Variants in GGNBP2 observed in about 807,000 individuals in gnomAD.
The protein encoded by GGNBP2 is gametogenetin binding protein 2, also known as gametogenetin-binding protein 2.
Under a neutral mutation model 85.9 loss-of-function variants are expected in GGNBP2, and 10 were observed. The ratio of observed to expected loss-of-function variants is 0.12; its 90% confidence interval spans 0.07 to 0.20. The LOEUF (loss-of-function observed/expected upper bound fraction) is 0.20, where lower values mean the gene tolerates loss of function less well. Among genes scored for constraint, GGNBP2 ranks in the 10% least tolerant of loss-of-function variants. The probability of loss-of-function intolerance (pLI) is 1.00; values close to 1 mark genes in which losing one functional copy is unlikely to be tolerated. For synonymous variants in GGNBP2, 287 were observed against 285.7 expected (o/e 1.00, Z -0.05); for missense variants, 595 against 857.8 (o/e 0.69, Z 3.83).
At chr17:36,577,697 A>G in intron 6 of GGNBP2, 1 of 437,746 alleles carries the variant, frequency 2.3e-6, no homozygotes, top group Non-Finnish European at 4.2e-6. Flanking sequence ...GGCAACTAAT[A>G]CTTTTCTGGG....
chr17:36,556,483 A>G (rs943372131), intron 3 of GGNBP2, among the ~76,000 whole-genome samples: 2 of 152,190 alleles, frequency 1.3e-5, no homozygotes, highest in African/African-American at 4.8e-5. Context: ...AGGCGGGTGG[A>G]TCACAAGGTC....
At chr17:36,578,956 G>A (rs760746668) in intron 7 of GGNBP2, 56 of 293,912 alleles carry the variant, frequency 1.9e-4, no homozygotes, top group Middle Eastern at 1.1e-3. Flanking sequence ...TCTACTATGA[G>A]CTGGACACTT....
intron 6 of GGNBP2, chr17:36,577,501 A>C (rs1479859110): frequency 6.3e-6 from 1 of 158,500 alleles, no homozygotes; most frequent in Non-Finnish European, 1.4e-5. Flanking sequence ...TCAAATGCTT[A>C]GCTAGTGAAA....
intron 6 of GGNBP2, among the ~76,000 whole-genome samples, chr17:36,573,650 G>T (rs141223753): frequency 5.9e-5 from 9 of 152,164 alleles, no homozygotes; most frequent in African/African-American, 1.9e-4. Flanking sequence ...AGTGCATAAG[G>T]GTTCCAATTT....
At chr17:36,577,003 A>G (rs912862172) in intron 6 of GGNBP2, 2 of 152,210 alleles carry the variant, frequency 1.3e-5, no homozygotes, top group African/African-American at 4.8e-5. Context: ...AGAGATTTGA[A>G]TGGAGCTGTA....
At position 36,567,702 on chromosome 17, in the gene GGNBP2, A is replaced by G; in HGVS notation, c.567A>G (p.Glu189=). The change falls in exon 6 of 14, where the codon GAA becomes GAG. Residue 189 remains glutamate, a synonymous_variant. Transcript: ENST00000613102. ...ATGTATGGGAACTAATGTCGCAGGA[A>G]TGCAGGGATGAAGTAGTTTTAATTG... ...WMDVWELMSQ[E]CRDEVVLIDS... The G allele has an allele frequency of 6.2e-7, 1 of 1,609,026 alleles. No individual in the cohort carries two copies. Among genetic ancestry groups the G allele is most frequent in the Non-Finnish European group, 8.5e-7 (1 of 1,175,768 alleles).
chr17:36,589,612 C>A lies in GGNBP2; in HGVS notation c.*201C>A. Reference sequence around the variant, plus strand: ...GTCTTTAGTTGCGTGGCTGCGCAGGCCTGCCATATGATTTAAGCCATCTCT... The same window carrying A: ...GTCTTTAGTTGCGTGGCTGCGCAGGACTGCCATATGATTTAAGCCATCTCT... On this transcript the variant is annotated 3_prime_UTR_variant, in exon 14 of 14. Transcript: ENST00000613102. The A allele has an allele frequency of 1.7e-6, 1 of 582,268 alleles. No homozygotes were observed. Among genetic ancestry groups the A allele is most frequent in the South Asian group, 2.2e-5 (1 of 45,240 alleles). The allele number at this position is 582,268 out of a possible 1,614,324, so 36.1% of individuals were successfully genotyped here.
At position 36,549,464 on chromosome 17, in the gene GGNBP2, C is replaced by T. The variant is rs550421818; in HGVS notation, c.93+3647C>T. ...CAGGTCATCTGTCCGCCTCGGCCTC[C>T]CAAAGTGCTGGGATTACAGGTGTGA... On this transcript the variant is annotated intron_variant, in intron 2 of 13. Coordinates refer to ENST00000613102, the MANE Select transcript of GGNBP2 (RefSeq NM_024835.5). Among the ~76,000 whole-genome samples, 4 of 152,314 alleles carry T rather than the reference C, an allele frequency of 2.6e-5. No homozygotes were observed. The South Asian group carries it at 8.3e-4, about 32-fold the overall frequency.
chr17:36,569,671 C>T (rs1274089592), intron 6 of GGNBP2, among the ~76,000 whole-genome samples: 1 of 152,140 alleles, frequency 6.6e-6, no homozygotes, highest in African/African-American at 2.4e-5. Flanking sequence ...AACTTTCTTT[C>T]TTTGCCTTTT....
chr17:36,589,243 T>A lies in GGNBP2; in HGVS notation c.1926T>A (p.Phe642Leu). Residue 642 changes from phenylalanine to leucine, a missense_variant, in exon 14 of 14, where the codon TTT becomes TTA. This residue lies in a region of GGNBP2 where 120 missense variants were observed against 126.3 expected (regional missense o/e 0.95). Transcript: ENST00000613102. The part of the protein sequence containing the change: ...ESECTSDEEI[F>L]ISQDEIQSFM... ...AATGTACTTCAGATGAGGAAATCTTTATCTCACAAGATGAAATACAGTCAT... is the reference window on the plus strand; with the variant it reads ...AATGTACTTCAGATGAGGAAATCTTAATCTCACAAGATGAAATACAGTCAT... 1 of 1,613,308 alleles carries A rather than the reference T, an allele frequency of 6.2e-7. No individual in the cohort carries two copies. The highest frequency in any genetic ancestry group is 8.5e-7 in the Non-Finnish European group (1 of 1,179,380).
At chr17:36,549,207 G>GTT (rs554924934) in intron 2 of GGNBP2, among the ~76,000 whole-genome samples, 8 of 147,046 alleles carry the variant, frequency 5.4e-5, no homozygotes, top group Non-Finnish European at 6.0e-5. Context: ...AAGAATTAAA[G>GTT]TTTTTTTTTT....
At chr17:36,559,296 C>CAA (rs892895973) in intron 4 of GGNBP2, among the ~76,000 whole-genome samples, 200 of 30,884 alleles carry the variant, frequency 6.5e-3, no homozygotes, top group East Asian at 0.018. Context: ...GACTCTGTCT[C>CAA]AAAAAAAAAA....
intron 9 of GGNBP2, among the ~76,000 whole-genome samples, chr17:36,582,729 A>G (rs1181420514): frequency 1.3e-5 from 2 of 152,152 alleles, no homozygotes; most frequent in East Asian, 1.9e-4. Flanking sequence ...CCTGACTTTA[A>G]TGTATTATTA....
At position 36,554,696 on chromosome 17, in the gene GGNBP2, A is replaced by AT. The variant is rs2074344917; in HGVS notation, c.94-118dup. ...AGGCCATGTACTTGGATTTAACAAA[A>AT]TTTTTTGAGGGGCTAGGGATGGGTG... On this transcript the variant is annotated intron_variant, in intron 2 of 13. Coordinates refer to ENST00000613102, the MANE Select transcript of GGNBP2 (RefSeq NM_024835.5). The AT allele has an allele frequency of 4.3e-6, 3 of 693,718 alleles. No homozygotes were observed. The Admixed American group carries it at 7.1e-5, about 16-fold the overall frequency. The allele number at this position is 693,718 out of a possible 1,614,324, so 43.0% of individuals were successfully genotyped here. A position where few individuals can be genotyped will look rare whatever the true frequency, so the allele number is the denominator to read the frequency against.
At chr17:36,573,522 A>G (rs990644504) in intron 6 of GGNBP2, among the ~76,000 whole-genome samples, 2 of 152,192 alleles carry the variant, frequency 1.3e-5, no homozygotes, top group Non-Finnish European at 2.9e-5. Context: ...GATCCTTGCT[A>G]TCAGTTCTTT....
At chr17:36,551,230 G>A (rs1424449324) in intron 2 of GGNBP2, among the ~76,000 whole-genome samples, 1 of 148,710 alleles carries the variant, frequency 6.7e-6, no homozygotes, top group African/African-American at 2.5e-5. Context: ...TTTTGAGACC[G>A]AGTTTTGCTC....
At chr17:36,548,869 C>G (rs2074281431) in intron 2 of GGNBP2, among the ~76,000 whole-genome samples, 1 of 151,688 alleles carries the variant, frequency 6.6e-6, no homozygotes, top group Non-Finnish European at 1.5e-5. Context: ...GATTGAACCC[C>G]CAGAGGCGGA....
Position 36,585,419 on chromosome 17 carries a change from C to T in GGNBP2, c.1335C>T (p.Gly445=). 3 of 1,606,932 alleles carry T rather than the reference C, an allele frequency of 1.9e-6. No homozygotes were observed. The highest frequency in any genetic ancestry group is 2.5e-6 in the Non-Finnish European group (3 of 1,176,836). The change falls in exon 10 of 14, where the codon GGC becomes GGT. Residue 445 remains glycine, a synonymous_variant. Transcript: ENST00000613102. ...ENTSCTCPSS[G]NLLGSPKIKK... ...CATCATGTACCTGTCCTAGCAGTGG[C>T]AATCTTTTGGGGTCCCCTAAAATAA...
chr17:36,586,815 G>A (rs551907450), intron 12 of GGNBP2, 182 bp from the exon 13 acceptor site: 24 of 558,308 alleles, frequency 4.3e-5, no homozygotes, highest in African/African-American at 4.1e-4. Flanking sequence ...GATGGCATTT[G>A]ACCATGTTGG....
Sources: gnomAD v4.1 joint callset for allele counts (sites outside exome capture counted in the v4.1 genomes callset) on GRCh38, gnomAD v4.1.1 for gene constraint, gnomAD v4.1.1 regional missense constraint, MANE v1.5 for transcripts, NCBI Gene and HGNC (gene_info 2026-07-23, HGNC 2026-07-21) for gene names.